Variants in RFPL1 observed in about 807,000 individuals in gnomAD.
RFPL1 encodes the protein ret finger protein like 1.
RFPL1 carries 6 observed loss-of-function variants against 9.6 expected under a neutral mutation model. The observed-to-expected ratio is 0.62, with a 90% CI of 0.34 to 1.23. The LOEUF is 1.23. Ranked by LOEUF, RFPL1 falls within the 50% of genes most tolerant of loss-of-function variation. The pLI, the probability that RFPL1 is intolerant of heterozygous loss-of-function variation, is 0.03. For missense variants in RFPL1, 352 were observed against 398.4 expected (o/e 0.88, Z 0.99); for synonymous variants, 145 against 149.4 (o/e 0.97, Z 0.22).
chr22:29,421,484 C>T, the RFPL1 span, among the ~76,000 whole-genome samples: 2 of 149,938 alleles, frequency 1.3e-5, no homozygotes, highest in South Asian at 2.1e-4. Flanking sequence ...CTCAGCACTA[C>T]GTTCACCCTG....
the RFPL1 span, among the ~76,000 whole-genome samples, chr22:29,400,073 G>A: frequency 6.7e-6 from 1 of 148,206 alleles, no homozygotes; most frequent in Non-Finnish European, 1.5e-5. Context: ...TCGGCTCACT[G>A]CAAGCTCCGC....
chr22:29,438,614 G>A, exon 1 of RFPL1: 1 of 1,442,010 alleles, frequency 6.9e-7, no homozygotes, highest in Admixed American at 2.8e-5. Flanking sequence ...CAGTTGCTGG[G>A]TCACCAGTAG....
upstream of RFPL1, chr22:29,437,614 A>G (rs1489875155): frequency 2.4e-5 from 38 of 1,590,850 alleles, no homozygotes; most frequent in South Asian, 4.5e-5. Flanking sequence ...GTGGAAGGGC[A>G]TGACCCAGTG....
chr22:29,415,773 G>A, the RFPL1 span, among the ~76,000 whole-genome samples: 1 of 152,388 alleles, frequency 6.6e-6, no homozygotes, highest in African/African-American at 2.4e-5. Context: ...AGGTGACAGG[G>A]TCGTGATAGA....
the RFPL1 span, among the ~76,000 whole-genome samples, chr22:29,399,496 CAT>C: frequency 6.6e-6 from 1 of 152,200 alleles, no homozygotes; most frequent in African/African-American, 2.4e-5. Context: ...TTATTATTGA[CAT>C]AGAATGCAGT....
At chr22:29,394,678 G>A in the RFPL1 span, among the ~76,000 whole-genome samples, 1 of 152,166 alleles carries the variant, frequency 6.6e-6, no homozygotes, top group African/African-American at 2.4e-5. Context: ...TCTTCTCTGC[G>A]AACTGTGCAC....
At chr22:29,430,210 G>T in the RFPL1 span, among the ~76,000 whole-genome samples, 9 of 149,770 alleles carry the variant, frequency 6.0e-5, no homozygotes, top group African/African-American at 1.9e-4. Flanking sequence ...TTTTTGGGGG[G>T]CAGTGGGGTG....
At chr22:29,406,092 G>T in the RFPL1 span, among the ~76,000 whole-genome samples, 9 of 111,922 alleles carry the variant, frequency 8.0e-5, no homozygotes, top group Non-Finnish European at 1.4e-4. Context: ...GTCCGGCCTG[G>T]GGGACAGAGC....
exon 1 of RFPL1, chr22:29,438,685 A>T: frequency 4.4e-5 from 67 of 1,524,500 alleles, no homozygotes; most frequent in Non-Finnish European, 5.6e-5. Flanking sequence ...TTCTTTCCCA[A>T]TAGAACTTCA....
At chr22:29,391,869 G>A in the RFPL1 span, among the ~76,000 whole-genome samples, 5 of 152,172 alleles carry the variant, frequency 3.3e-5, no homozygotes, top group Admixed American at 6.5e-5. Context: ...GCTGGGTGCT[G>A]GATAGTCAGA....
At chr22:29,406,855 G>A in the RFPL1 span, among the ~76,000 whole-genome samples, 1 of 152,168 alleles carries the variant, frequency 6.6e-6, no homozygotes, top group Non-Finnish European at 1.5e-5. Context: ...GACGGCACGG[G>A]ATTTGGCCTC....
chr22:29,402,448 G>A, the RFPL1 span, among the ~76,000 whole-genome samples: 2 of 152,202 alleles, frequency 1.3e-5, no homozygotes, highest in Non-Finnish European at 2.9e-5. Flanking sequence ...AGAGTTGGTA[G>A]GTCCTAGCAT....
At chr22:29,406,165 A>C in the RFPL1 span, among the ~76,000 whole-genome samples, 2 of 138,340 alleles carry the variant, frequency 1.4e-5, no homozygotes, top group East Asian at 2.2e-4. Flanking sequence ...AAGAAATAAC[A>C]CATCTCTTTC....
the RFPL1 span, among the ~76,000 whole-genome samples, chr22:29,431,378 C>A: frequency 9.2e-5 from 14 of 152,216 alleles, no homozygotes; most frequent in Non-Finnish European, 1.6e-4. Flanking sequence ...AGTACCCAGT[C>A]TGGAGAAATG....
chr22:29,397,974 T>G, the RFPL1 span, among the ~76,000 whole-genome samples: 1 of 152,146 alleles, frequency 6.6e-6, no homozygotes, highest in African/African-American at 2.4e-5. Context: ...AAGGGGGGGT[T>G]GGCATCTGGC....
chr22:29,437,816 G>A (rs367933717), upstream of RFPL1: 9 of 1,320,986 alleles, frequency 6.8e-6, no homozygotes, highest in African/African-American at 3.1e-5. Flanking sequence ...AGAGAAATTC[G>A]TAATTAATGA....
the RFPL1 span, among the ~76,000 whole-genome samples, chr22:29,419,880 A>G: frequency 6.6e-6 from 1 of 152,150 alleles, no homozygotes; most frequent in Non-Finnish European, 1.5e-5. Context: ...CATGGAAGCT[A>G]CAAAGGTTCT....
the RFPL1 span, among the ~76,000 whole-genome samples, chr22:29,426,212 A>G: frequency 6.6e-6 from 1 of 151,610 alleles, no homozygotes; most frequent in Non-Finnish European, 1.5e-5. Flanking sequence ...AATCCCAGCT[A>G]TTTGGGAGGC....
At chr22:29,394,728 A>G in the RFPL1 span, among the ~76,000 whole-genome samples, 1 of 152,314 alleles carries the variant, frequency 6.6e-6, no homozygotes, top group East Asian at 1.9e-4. Context: ...CTTGACATCC[A>G]TCAATTCATT....
Sources: gnomAD v4.1 joint callset for allele counts (sites outside exome capture counted in the v4.1 genomes callset) on GRCh38, gnomAD v4.1.1 for gene constraint, MANE v1.5 for transcripts, NCBI Gene and HGNC (gene_info 2026-07-23, HGNC 2026-07-21) for gene names.